CSMD1: variants seen among roughly 807,000 people sequenced by gnomAD.
CSMD1 encodes CUB and Sushi multiple domains 1, also known as CUB and sushi domain-containing protein 1.
Under a neutral mutation model 417.5 loss-of-function variants are expected in CSMD1, and 213 were observed. The ratio of observed to expected loss-of-function variants is 0.51; its 90% CI spans 0.46 to 0.57. The LOEUF (loss-of-function observed/expected upper bound fraction) is 0.57, where lower values mean the gene tolerates loss of function less well. CSMD1 is among the 20% of genes least tolerant of loss of function. The pLI is 0.00. For synonymous variants in CSMD1, 2,862 were observed against 1,736.8 expected, an observed-to-expected ratio of 1.65 and a Z score of -16.11; for missense variants, 6,923 against 4,529.7, an observed-to-expected ratio of 1.53 and a Z score of -15.17.
At chr8:3,145,798 T>C (rs574436271) in intron 40 of CSMD1, among the ~76,000 whole-genome samples, 4 of 152,336 alleles carry the variant, frequency 2.6e-5, no homozygotes, top group African/African-American at 9.6e-5. Context: ...ATTATTTCAA[T>C]AACAATAAAA....
chr8:3,230,447 G>A (rs1176169567), intron 26 of CSMD1, among the ~76,000 whole-genome samples: 1 of 151,972 alleles, frequency 6.6e-6, no homozygotes, highest in Non-Finnish European at 1.5e-5. Flanking sequence ...GCAAGATTCT[G>A]TTGAAAATGC....
chr8:3,284,528 A>C, intron 25 of CSMD1, 182 bp from the exon 26 acceptor site: 1 of 600,246 alleles, frequency 1.7e-6, no homozygotes, highest in Non-Finnish European at 3.0e-6. Context: ...TCAGGAGTGT[A>C]AATTAGGATA....
chr8:3,407,609 G>A (rs897468054), intron 14 of CSMD1, among the ~76,000 whole-genome samples: 21 of 152,112 alleles, frequency 1.4e-4, no homozygotes, highest in African/African-American at 4.8e-4. Flanking sequence ...ATGGATGAAT[G>A]GATGGATGGA....
At chr8:3,083,618 A>T (rs1285414791) in intron 49 of CSMD1, among the ~76,000 whole-genome samples, 1 of 13,046 alleles carries the variant, frequency 7.7e-5, no homozygotes, top group African/African-American at 3.5e-4. Context: ...TTTTATATAT[A>T]TATATATATA....
chr8:4,035,673 T>C (rs1585177235), intron 3 of CSMD1, among the ~76,000 whole-genome samples: 2 of 152,328 alleles, frequency 1.3e-5, no homozygotes, highest in East Asian at 3.9e-4. Context: ...AATATAAATG[T>C]TTTGCACAAC....
intron 2 of CSMD1, among the ~76,000 whole-genome samples, chr8:4,421,394 T>G (rs1434739446): frequency 6.6e-6 from 1 of 152,098 alleles, no homozygotes; most frequent in East Asian, 1.9e-4. Context: ...TTCTTTCAGG[T>G]GCCCACAGAA....
At chr8:3,487,547 C>T (rs949031267) in intron 11 of CSMD1, among the ~76,000 whole-genome samples, 16 of 152,218 alleles carry the variant, frequency 1.1e-4, no homozygotes, top group South Asian at 6.2e-4. Context: ...ATATATAAAT[C>T]GATACATCTA....
chr8:3,426,452 A>G (rs897877502), intron 12 of CSMD1, among the ~76,000 whole-genome samples: 1 of 152,186 alleles, frequency 6.6e-6, no homozygotes, highest in South Asian at 2.1e-4. Context: ...CACTTTTCAA[A>G]TCAATTAATG....
At chr8:4,755,068 G>T (rs1482069755) in intron 1 of CSMD1, among the ~76,000 whole-genome samples, 1 of 152,120 alleles carries the variant, frequency 6.6e-6, no homozygotes, top group Admixed American at 6.5e-5. Context: ...AACCCGGGAG[G>T]CGGAAGTTGC....
chr8:3,544,354 C>T (rs765860430), intron 10 of CSMD1, among the ~76,000 whole-genome samples: 3 of 151,976 alleles, frequency 2.0e-5, no homozygotes, highest in Non-Finnish European at 4.4e-5. Context: ...TATCACAAAC[C>T]CTTGTAGCAA....
At chr8:3,705,162 G>T (rs1414534578) in intron 7 of CSMD1, among the ~76,000 whole-genome samples, 2 of 152,194 alleles carry the variant, frequency 1.3e-5, no homozygotes, top group Admixed American at 1.3e-4. Flanking sequence ...CAGGGCAGTG[G>T]CAGGGGAAGG....
At chr8:3,085,357 T>C (rs1814452010) in intron 49 of CSMD1, among the ~76,000 whole-genome samples, 1 of 152,248 alleles carries the variant, frequency 6.6e-6, no homozygotes. Context: ...AGATCTGTTT[T>C]AGAAAAATGA....
chr8:3,729,248 T>G (rs572537924), intron 6 of CSMD1, among the ~76,000 whole-genome samples: 1 of 152,188 alleles, frequency 6.6e-6, no homozygotes, highest in Non-Finnish European at 1.5e-5. Context: ...GCCTTTTTAA[T>G]GACTGACGGC....
At chr8:3,139,531 G>A (rs1026136957) in intron 41 of CSMD1, among the ~76,000 whole-genome samples, 16 of 152,130 alleles carry the variant, frequency 1.1e-4, no homozygotes, top group Non-Finnish European at 1.9e-4. Context: ...AGATCTTGTC[G>A]ATAGAAGACC....
intron 5 of CSMD1, among the ~76,000 whole-genome samples, chr8:3,777,919 AGCCTCCTTGAAGGGCAGAGTCT>A: frequency 6.6e-6 from 1 of 151,416 alleles, no homozygotes; most frequent in East Asian, 1.9e-4. Context: ...CCAGACCCGC[AGCCTCCTTGAAGGGCAGAGTCT>A]CAGTTCCCAC....
chr8:4,485,270 G>C (rs796155197), intron 2 of CSMD1, among the ~76,000 whole-genome samples: 5 of 152,230 alleles, frequency 3.3e-5, no homozygotes, highest in African/African-American at 1.2e-4. Context: ...AACTTGCTTG[G>C]AACGCCTGTC....
chr8:2,995,424 C>T (rs1017137202), intron 54 of CSMD1, among the ~76,000 whole-genome samples: 1 of 152,208 alleles, frequency 6.6e-6, no homozygotes, highest in Non-Finnish European at 1.5e-5. Context: ...AGAGAAACTT[C>T]ATCGCCCACA....
intron 5 of CSMD1, among the ~76,000 whole-genome samples, chr8:3,959,565 G>GT (rs1048771793): frequency 1.3e-5 from 2 of 152,176 alleles, no homozygotes; most frequent in African/African-American, 2.4e-5. Context: ...AGTTCCCATA[G>GT]TTTTTGTCTC....
chr8:3,154,890 C>G (rs1019550739), intron 39 of CSMD1, among the ~76,000 whole-genome samples: 1 of 152,154 alleles, frequency 6.6e-6, no homozygotes, highest in Middle Eastern at 3.2e-3. Flanking sequence ...TCTCCTCTTA[C>G]AATTCCCCAG....
Sources: allele counts gnomAD v4.1 joint callset (sites outside exome capture counted in the v4.1 genomes callset), GRCh38; gene constraint gnomAD v4.1.1; transcripts MANE v1.5; gene names NCBI Gene and HGNC (gene_info 2026-07-23, HGNC 2026-07-21).